The following TULP4 variants were observed in gnomAD, a reference collection of about 807,000 sequenced individuals.
The protein encoded by TULP4 is TUB like protein 4, also known as tubby-related protein 4.
Under a neutral mutation model 129.0 loss-of-function variants are expected in TULP4, and 16 were observed. That is an observed-to-expected ratio of 0.12 (90% CI 0.08 to 0.19). The LOEUF (loss-of-function observed/expected upper bound fraction) is 0.19. Among genes scored for constraint, TULP4 ranks in the 10% least tolerant of loss-of-function variants. The pLI is 1.00. For missense variants in TULP4, 1,842 were observed against 2,059.1 expected, an observed-to-expected ratio of 0.89 and a Z score of 2.04; for synonymous variants, 998 against 854.0, an observed-to-expected ratio of 1.17 and a Z score of -2.94.
rs760744087 is a variant in TULP4 at position 158,502,627 on chromosome 6, G to A, written c.2964G>A (p.Arg988=). The A allele has an allele frequency of 1.3e-6, 2 of 1,595,214 alleles. No individual in the cohort carries two copies. Among genetic ancestry groups the A allele is most frequent in the Non-Finnish European group, 1.7e-6 (2 of 1,176,778 alleles). ...SDNSLIHATL[R]RNNREATLKM... is the part of the protein sequence containing the mutation. ...ATAGCCTCATCCACGCTACCCTGCG[G>A]AGGAACAACCGTGAGGCTACGCTCA... The change falls in exon 13 of 14, where the codon CGG becomes CGA. Residue 988 remains arginine, a synonymous_variant. Transcript: ENST00000367097.
intron 1 of TULP4, among the ~76,000 whole-genome samples, chr6:158,324,878 A>G (rs966818003): frequency 2.0e-5 from 3 of 152,184 alleles, no homozygotes; most frequent in South Asian, 2.1e-4. Flanking sequence ...AAAAAGGTGA[A>G]GGGAAGAGGC....
chr6:158,241,562 C>G (rs1260388581), intron 1 of TULP4, among the ~76,000 whole-genome samples: 1 of 152,002 alleles, frequency 6.6e-6, no homozygotes, highest in Non-Finnish European at 1.5e-5. Context: ...GCCAATACAG[C>G]GAAACCCCGT....
At chr6:158,440,766 ATTTC>A (rs1485078785) in intron 3 of TULP4, among the ~76,000 whole-genome samples, 1 of 152,144 alleles carries the variant, frequency 6.6e-6, no homozygotes, top group Non-Finnish European at 1.5e-5. Context: ...GTTTTTAGTT[ATTTC>A]TTTTTGCGTG....
chr6:158,361,610 C>A lies in TULP4; in HGVS notation c.252+47342C>A, dbSNP rs1780790020. Among the ~76,000 whole-genome samples the A allele has an allele frequency of 2.0e-5, 3 of 152,172 alleles. No homozygotes were observed. The South Asian group carries it at 6.2e-4, about 31-fold the overall frequency. ...CTCAAATCACTTAGCATTTTAATTA[C>A]TTTTCAATTTTTGAGATACAAGTCA... On this transcript the variant is annotated intron_variant, in intron 1 of 13. Coordinates refer to ENST00000367097, the MANE Select transcript of TULP4 (RefSeq NM_020245.5).
intron 1 of TULP4, among the ~76,000 whole-genome samples, chr6:158,407,786 C>T (rs144582049): frequency 6.6e-6 from 1 of 152,296 alleles, no homozygotes; most frequent in Non-Finnish European, 1.5e-5. Context: ...GTAGGCAAAT[C>T]TGTAACAACA....
At chr6:158,290,784 CT>C (rs939954897) in intron 1 of TULP4, among the ~76,000 whole-genome samples, 1 of 151,964 alleles carries the variant, frequency 6.6e-6, no homozygotes, top group Admixed American at 6.6e-5. Flanking sequence ...ATCAAATTGT[CT>C]TTTTTTTATT....
intron 1 of TULP4, among the ~76,000 whole-genome samples, chr6:158,354,117 T>A (rs1386501716): frequency 6.6e-6 from 1 of 152,228 alleles, no homozygotes; most frequent in African/African-American, 2.4e-5. Context: ...GGAAGGAATC[T>A]TCAGAGTAAT....
At chr6:158,261,263 A>C (rs1778347596) in intron 1 of TULP4, among the ~76,000 whole-genome samples, 1 of 152,198 alleles carries the variant, frequency 6.6e-6, no homozygotes, top group African/African-American at 2.4e-5. Context: ...TGAGAAACAT[A>C]ATTTATATTT....
intron 13 of TULP4, 110 bp downstream of exon 13, chr6:158,504,288 G>A (rs528958032): frequency 1.7e-4 from 145 of 865,406 alleles, no homozygotes; most frequent in South Asian, 5.2e-4. Flanking sequence ...GGAAAACAAC[G>A]AACACCTCTT....
At chr6:158,468,620 A>G (rs592698) in intron 6 of TULP4, among the ~76,000 whole-genome samples, 92,017 of 152,120 alleles carry the variant, frequency 0.6, 28,614 homozygotes, top group African/African-American at 0.75. Flanking sequence ...TATGTAAGGG[A>G]CAACAACAGG....
chr6:158,363,197 G>T (rs964776805), intron 1 of TULP4, among the ~76,000 whole-genome samples: 5 of 151,556 alleles, frequency 3.3e-5, no homozygotes, highest in Non-Finnish European at 5.9e-5. Flanking sequence ...ACCTTCTCTT[G>T]CTGGCTGTGT....
chr6:158,437,086 C>G (rs1303226874), intron 3 of TULP4, among the ~76,000 whole-genome samples: 1 of 152,126 alleles, frequency 6.6e-6, no homozygotes, highest in East Asian at 1.9e-4. Context: ...TCACTGAATG[C>G]CTGTGCACCT....
chr6:158,397,966 A>C (rs1268525556), intron 1 of TULP4: 1 of 152,224 alleles, frequency 6.6e-6, no homozygotes. Context: ...TGGCAATCTT[A>C]AGCTCCTACC....
intron 1 of TULP4, among the ~76,000 whole-genome samples, chr6:158,264,915 G>A (rs1356121334): frequency 6.6e-6 from 1 of 152,196 alleles, no homozygotes; most frequent in Non-Finnish European, 1.5e-5. Flanking sequence ...GATTCTCTGT[G>A]CCTTCAAAAT....
At chr6:158,278,196 A>G (rs1778680399), upstream of TULP4, among the ~76,000 whole-genome samples, 2 of 152,200 alleles carry the variant, frequency 1.3e-5, no homozygotes. Context: ...TATTGGGGAA[A>G]GTGTAAGGTC....
At chr6:158,264,849 C>T (rs1201441738) in intron 1 of TULP4, among the ~76,000 whole-genome samples, 1 of 152,126 alleles carries the variant, frequency 6.6e-6, no homozygotes, top group Non-Finnish European at 1.5e-5. Flanking sequence ...AATAGAATGC[C>T]TTGAACCATA....
intron 1 of TULP4, among the ~76,000 whole-genome samples, chr6:158,285,128 T>C (rs1366399736): frequency 6.6e-6 from 1 of 152,216 alleles, no homozygotes; most frequent in Non-Finnish European, 1.5e-5. Context: ...TTCATGTATG[T>C]GAATTTCCCC....
At chr6:158,484,849 C>T (rs1780029967) in intron 8 of TULP4, among the ~76,000 whole-genome samples, 1 of 152,376 alleles carries the variant, frequency 6.6e-6, no homozygotes, top group East Asian at 1.9e-4. Context: ...TACACACGTG[C>T]TCTTGCATAC....
intron 5 of TULP4, among the ~76,000 whole-genome samples, chr6:158,459,744 G>T (rs1779382729): frequency 6.6e-6 from 1 of 152,208 alleles, no homozygotes; most frequent in Non-Finnish European, 1.5e-5. Context: ...TTACAATGAT[G>T]CTTCTGTCCT....
Sources: allele counts gnomAD v4.1 joint callset (sites outside exome capture counted in the v4.1 genomes callset), GRCh38; gene constraint gnomAD v4.1.1; transcripts MANE v1.5; gene names NCBI Gene and HGNC (gene_info 2026-07-23, HGNC 2026-07-21).